Variants in MAGI2 observed in about 807,000 individuals in gnomAD.
MAGI2 encodes the protein membrane-associated guanylate kinase, WW and PDZ domain-containing protein 2.
Under a neutral mutation model 133.3 loss-of-function variants are expected in MAGI2, and 35 were observed. That is an observed-to-expected ratio of 0.26 (90% CI 0.20 to 0.35). The LOEUF (loss-of-function observed/expected upper bound fraction) is 0.35, where lower values mean the gene tolerates loss of function less well. Among genes scored for constraint, MAGI2 ranks in the 10% least tolerant of loss-of-function variants. The pLI, the probability that MAGI2 is intolerant of heterozygous loss-of-function variation, is 1.00. For missense variants in MAGI2, 1,636 were observed against 1,863.4 expected (o/e 0.88, Z 2.25); for synonymous variants, 729 against 710.6 (o/e 1.03, Z -0.41).
chr7:78,373,890 C>T (rs1794183675), intron 6 of MAGI2, among the ~76,000 whole-genome samples: 1 of 152,082 alleles, frequency 6.6e-6, no homozygotes, highest in African/African-American at 2.4e-5. Context: ...TAGGATAATG[C>T]CCTCCAGCTG....
intron 1 of MAGI2, among the ~76,000 whole-genome samples, chr7:79,331,129 A>G (rs1287238239): frequency 3.3e-5 from 5 of 152,224 alleles, no homozygotes; most frequent in Non-Finnish European, 7.3e-5. Flanking sequence ...TCAAAATAAA[A>G]GATAATTCTA....
intron 7 of MAGI2, 118 bp from the exon 8 acceptor site, chr7:78,346,161 G>T: frequency 8.8e-7 from 1 of 1,130,922 alleles, no homozygotes. Flanking sequence ...ACAGTCAAGT[G>T]CCTCACCCAG....
intron 20 of MAGI2, among the ~76,000 whole-genome samples, chr7:78,080,596 C>T (rs1815848407): frequency 6.6e-6 from 1 of 152,092 alleles, no homozygotes; most frequent in South Asian, 2.1e-4. Context: ...AATAGCAGTT[C>T]CAATGAAGTT....
chr7:78,622,581 T>G (rs1807864215), intron 3 of MAGI2, among the ~76,000 whole-genome samples: 1 of 152,024 alleles, frequency 6.6e-6, no homozygotes, highest in Non-Finnish European at 1.5e-5. Flanking sequence ...AGACATTCCT[T>G]AGTTTTCCCT....
intron 2 of MAGI2, chr7:79,000,406 G>A (rs1375364830): frequency 2.0e-5 from 3 of 152,024 alleles, no homozygotes; most frequent in South Asian, 2.1e-4. Context: ...ATGTTAACAC[G>A]TATTTTTACA....
At chr7:78,108,668 G>A (rs13232873) in intron 20 of MAGI2, among the ~76,000 whole-genome samples, 33,853 of 139,872 alleles carry the variant, frequency 0.24, 4,409 homozygotes, top group East Asian at 0.51. Context: ...GTGTGTGTGT[G>A]TATACACACA....
chr7:78,570,761 A>G (rs1801419555), intron 3 of MAGI2, among the ~76,000 whole-genome samples: 1 of 152,198 alleles, frequency 6.6e-6, no homozygotes, highest in Non-Finnish European at 1.5e-5. Flanking sequence ...GTAAAATGCA[A>G]TAAAGTGCTT....
At chr7:78,470,902 A>G (rs1791130096) in intron 6 of MAGI2, among the ~76,000 whole-genome samples, 1 of 152,140 alleles carries the variant, frequency 6.6e-6, no homozygotes, top group Non-Finnish European at 1.5e-5. Context: ...AGCTCAGGAT[A>G]TGTGAAATTA....
intron 16 of MAGI2, among the ~76,000 whole-genome samples, chr7:78,158,904 C>CCTA (rs1405134529): frequency 7.2e-5 from 11 of 152,098 alleles, no homozygotes; most frequent in African/African-American, 2.7e-4. Flanking sequence ...AGATATTTTG[C>CCTA]AGACCTTGCA....
chr7:79,147,194 CAAT>C (rs1217899354), intron 1 of MAGI2, among the ~76,000 whole-genome samples: 1 of 152,188 alleles, frequency 6.6e-6, no homozygotes, highest in Non-Finnish European at 1.5e-5. Flanking sequence ...TCATTCCAGA[CAAT>C]GTGCAGCCCA....
At chr7:78,909,602 C>CAAAAA (rs1237807866) in intron 2 of MAGI2, among the ~76,000 whole-genome samples, 37 of 42,120 alleles carry the variant, frequency 8.8e-4, no homozygotes, top group Admixed American at 1.3e-3. Flanking sequence ...GACTCCATCT[C>CAAAAA]AAAAAAAAAA....
intron 1 of MAGI2, among the ~76,000 whole-genome samples, chr7:79,319,748 G>A (rs1839025596): frequency 6.6e-6 from 1 of 152,038 alleles, no homozygotes; most frequent in African/African-American, 2.4e-5. Flanking sequence ...ATTTTATTTT[G>A]CTCTTCCTGT....
intron 2 of MAGI2, among the ~76,000 whole-genome samples, chr7:78,753,505 A>T (rs1823649549): frequency 6.6e-6 from 1 of 152,154 alleles, no homozygotes; most frequent in Non-Finnish European, 1.5e-5. Context: ...TGGATTCATA[A>T]GAGGGGAAGA....
chr7:79,031,009 A>G (rs1046053976), intron 1 of MAGI2, among the ~76,000 whole-genome samples: 10 of 152,176 alleles, frequency 6.6e-5, no homozygotes, highest in Non-Finnish European at 1.0e-4. Flanking sequence ...ATATTTTTAT[A>G]CATCTGAACA....
chr7:78,934,004 A>C (rs1800331885), intron 2 of MAGI2, among the ~76,000 whole-genome samples: 1 of 152,190 alleles, frequency 6.6e-6, no homozygotes, highest in Non-Finnish European at 1.5e-5. Context: ...CATAGGTGGA[A>C]ACTTCAAGCC....
intron 1 of MAGI2, among the ~76,000 whole-genome samples, chr7:79,237,717 A>C (rs368864001): frequency 1.1e-4 from 16 of 152,290 alleles, no homozygotes; most frequent in African/African-American, 3.4e-4. Flanking sequence ...TCATAGCCCT[A>C]AATACATTTT....
At chr7:78,440,788 C>T (rs1048846135) in intron 6 of MAGI2, among the ~76,000 whole-genome samples, 2 of 151,764 alleles carry the variant, frequency 1.3e-5, no homozygotes, top group Non-Finnish European at 2.9e-5. Context: ...CCCGCCTCTA[C>T]TAAAAGACAC....
At chr7:79,298,287 C>T (rs1046806622) in intron 1 of MAGI2, among the ~76,000 whole-genome samples, 5 of 152,002 alleles carry the variant, frequency 3.3e-5, no homozygotes, top group Admixed American at 1.3e-4. Context: ...AAGAGAGATT[C>T]ATCATCTTTA....
At chr7:78,554,649 C>A (rs1799628032) in intron 3 of MAGI2, 2 of 152,180 alleles carry the variant, frequency 1.3e-5, no homozygotes, top group Admixed American at 1.3e-4. Flanking sequence ...GGTCATAGGA[C>A]CCTCATTCAA....
Sources: allele counts gnomAD v4.1 joint callset (sites outside exome capture counted in the v4.1 genomes callset), GRCh38; gene constraint gnomAD v4.1.1; transcripts MANE v1.5; gene names NCBI Gene and HGNC (gene_info 2026-07-23, HGNC 2026-07-21).